The following ACBD6 variants were observed in gnomAD, a reference collection of about 807,000 sequenced individuals.
The protein encoded by ACBD6 is acyl-CoA binding domain containing 6.
Under a neutral mutation model 37.2 loss-of-function variants are expected in ACBD6, and 28 were observed. The observed-to-expected ratio is 0.75, with a 90% CI of 0.56 to 1.03. The LOEUF (loss-of-function observed/expected upper bound fraction) is 1.03, where lower values mean the gene tolerates loss of function less well. Ranked by LOEUF, ACBD6 falls within the 50% of genes least tolerant of loss-of-function variation. The pLI is 0.00. For missense variants in ACBD6, 340 were observed against 337.4 expected, an observed-to-expected ratio of 1.01 and a Z score of -0.06; for synonymous variants, 113 against 126.8, an observed-to-expected ratio of 0.89 and a Z score of 0.73.
chr1:180,490,797 A>G (rs1651466264), intron 3 of ACBD6, among the ~76,000 whole-genome samples: 4 of 150,462 alleles, frequency 2.7e-5, no homozygotes, highest in Non-Finnish European at 5.9e-5. Flanking sequence ...AAAAAAAAAA[A>G]AAAGAAAAAA....
intron 3 of ACBD6, among the ~76,000 whole-genome samples, chr1:180,491,689 T>C (rs1441208631): frequency 6.6e-6 from 1 of 152,238 alleles, no homozygotes; most frequent in Non-Finnish European, 1.5e-5. Context: ...CATGATAATC[T>C]CAAGTTAAAC....
At chr1:180,423,598 G>T (rs1444972044) in intron 4 of ACBD6, among the ~76,000 whole-genome samples, 2 of 151,782 alleles carry the variant, frequency 1.3e-5, no homozygotes, top group Non-Finnish European at 2.9e-5. Flanking sequence ...TTTCAATAAA[G>T]TATTGACAAA....
chr1:180,370,404 T>C (rs1033075975), intron 6 of ACBD6, among the ~76,000 whole-genome samples: 32 of 152,144 alleles, frequency 2.1e-4, no homozygotes, highest in African/African-American at 7.7e-4. Flanking sequence ...AACAATCATT[T>C]TGCATATTTT....
At chr1:180,438,831 A>G (rs1649163688) in intron 3 of ACBD6, among the ~76,000 whole-genome samples, 1 of 152,200 alleles carries the variant, frequency 6.6e-6, no homozygotes, top group Admixed American at 6.5e-5. Flanking sequence ...TTTGACAAAC[A>G]TATAATGACA....
intron 6 of ACBD6, among the ~76,000 whole-genome samples, chr1:180,393,388 T>G (rs190914670): frequency 1.5e-3 from 222 of 152,312 alleles, no homozygotes; most frequent in African/African-American, 5.1e-3. Flanking sequence ...ATATCTCTAA[T>G]TACTGCTTCG....
chr1:180,446,608 G>A (rs1649486077), intron 3 of ACBD6, among the ~76,000 whole-genome samples: 1 of 152,066 alleles, frequency 6.6e-6, no homozygotes, highest in African/African-American at 2.4e-5. Context: ...TGAAAATATT[G>A]TTGGTTGCTA....
rs114073232 is a variant in ACBD6, at chr1:180,420,237, C to T, written c.468-6766G>A. On this transcript the variant is annotated intron_variant, in intron 4 of 7. Coordinates refer to ENST00000367595, the MANE Select transcript of ACBD6 (RefSeq NM_032360.4). Reference sequence around the variant, plus strand: ...ATATCTTAAAACCAACTCTCTGCCCCGCCCTGCCACACATTTTTGCCATAC... The same window carrying T: ...ATATCTTAAAACCAACTCTCTGCCCTGCCCTGCCACACATTTTTGCCATAC... 5.5e-3 allele frequency among the ~76,000 whole-genome samples: 834 copies of T among 152,236 alleles called. 7 individuals are homozygous for T. Among genetic ancestry groups the T allele is most frequent in the African/African-American group, 0.019 (789 of 41,520 alleles).
chr1:180,440,623 T>C (rs1179043666), intron 3 of ACBD6, among the ~76,000 whole-genome samples: 1 of 148,686 alleles, frequency 6.7e-6, no homozygotes, highest in Non-Finnish European at 1.5e-5. Context: ...CCCAAACCTT[T>C]AGCCTTGAAC....
At chr1:180,461,054 C>T (rs554812372) in intron 3 of ACBD6, among the ~76,000 whole-genome samples, 3 of 152,180 alleles carry the variant, frequency 2.0e-5, no homozygotes, top group Admixed American at 6.5e-5. Context: ...GGGAAGAACA[C>T]GACCAACCTG....
intron 1 of ACBD6, among the ~76,000 whole-genome samples, chr1:180,496,134 G>A (rs969846541): frequency 2.0e-5 from 3 of 152,024 alleles, no homozygotes; most frequent in Admixed American, 1.3e-4. Flanking sequence ...TTTGTTTGAG[G>A]TCAATACTTA....
At chr1:180,445,475 C>T (rs1455721908) in intron 3 of ACBD6, among the ~76,000 whole-genome samples, 1 of 152,198 alleles carries the variant, frequency 6.6e-6, no homozygotes, top group African/African-American at 2.4e-5. Context: ...GTCTATAAAG[C>T]TGGCATTATC....
At chr1:180,318,065 C>T (rs1428956001) in intron 6 of ACBD6, among the ~76,000 whole-genome samples, 1 of 149,678 alleles carries the variant, frequency 6.7e-6, no homozygotes, top group Non-Finnish European at 1.5e-5. Context: ...GTAGTCCCAG[C>T]TACTCGGGAT....
chr1:180,378,805 T>A (rs938729934), intron 6 of ACBD6, among the ~76,000 whole-genome samples: 1 of 152,062 alleles, frequency 6.6e-6, no homozygotes, highest in Non-Finnish European at 1.5e-5. Flanking sequence ...ACCTGCAGAT[T>A]TGGGCACTGG....
intron 3 of ACBD6, among the ~76,000 whole-genome samples, chr1:180,462,605 G>A (rs11484675): frequency 0.11 from 16,315 of 152,118 alleles, 1,282 homozygotes; most frequent in African/African-American, 0.21. Context: ...CCTTTAAAGA[G>A]ACTTAGACCC....
At chr1:180,422,198 CCTTTT>C (rs1378446143) in intron 4 of ACBD6, among the ~76,000 whole-genome samples, 2 of 151,626 alleles carry the variant, frequency 1.3e-5, no homozygotes, top group East Asian at 1.9e-4. Flanking sequence ...TCATGAATTC[CCTTTT>C]CTTTTTTCTT....
intron 4 of ACBD6, among the ~76,000 whole-genome samples, chr1:180,421,388 T>A (rs1648356616): frequency 6.6e-6 from 1 of 152,236 alleles, no homozygotes; most frequent in Admixed American, 6.5e-5. Context: ...ATTTTCTTTA[T>A]CCAGTCTATC....
chr1:180,332,033 T>C (rs1651506115), intron 6 of ACBD6, among the ~76,000 whole-genome samples: 1 of 152,224 alleles, frequency 6.6e-6, no homozygotes, highest in African/African-American at 2.4e-5. Context: ...TAACTCCTTG[T>C]ACCTCACAAT....
chr1:180,397,480 A>T, intron 6 of ACBD6, 36 bp downstream of exon 6: 1 of 1,559,854 alleles, frequency 6.4e-7, no homozygotes, highest in East Asian at 2.2e-5. Flanking sequence ...TTATACTTCA[A>T]TTTAAAAAAT....
At chr1:180,308,427 A>C (rs1473523065) in intron 7 of ACBD6, among the ~76,000 whole-genome samples, 1 of 152,210 alleles carries the variant, frequency 6.6e-6, no homozygotes, top group Non-Finnish European at 1.5e-5. Context: ...TGTGTTTCTC[A>C]AGGGAAGTTT....
Sources: gnomAD v4.1 joint callset for allele counts (sites outside exome capture counted in the v4.1 genomes callset) on GRCh38, gnomAD v4.1.1 for gene constraint, MANE v1.5 for transcripts, NCBI Gene and HGNC (gene_info 2026-07-23, HGNC 2026-07-21) for gene names.